Variants in DBH observed in about 807,000 individuals in gnomAD.
DBH encodes dopamine beta-hydroxylase (dopamine beta-monooxygenase).
In DBH, 49 loss-of-function variants were observed where a neutral mutation model predicts 64.0. The observed-to-expected ratio is 0.77, with a 90% CI of 0.61 to 0.97. DBH has a LOEUF of 0.97. Among genes scored for constraint, DBH ranks in the 50% least tolerant of loss-of-function variants. The pLI, the probability that DBH is intolerant of heterozygous loss-of-function variation, is 0.00. For synonymous variants in DBH, 343 were observed against 347.1 expected (o/e 0.99, Z 0.13); for missense variants, 828 against 826.6 (o/e 1.00, Z -0.02).
chr9:133,650,142 G>A (rs574641381), intron 6 of DBH, among the ~76,000 whole-genome samples: 1 of 152,292 alleles, frequency 6.6e-6, no homozygotes, highest in Admixed American at 6.5e-5. Flanking sequence ...GACCCTTTGG[G>A]CTCCCAGGCC....
intron 9 of DBH, 30 bp from the exon 10 acceptor site, chr9:133,656,493 C>T (rs754886833): frequency 1.3e-5 from 21 of 1,613,228 alleles, no homozygotes; most frequent in East Asian, 4.5e-5. Flanking sequence ...TGGCATGGCC[C>T]GGGGCTGACG....
intron 1 of DBH, among the ~76,000 whole-genome samples, chr9:133,638,419 T>C (rs1246818928): frequency 3.9e-5 from 6 of 152,200 alleles, no homozygotes; most frequent in Admixed American, 3.3e-4. Flanking sequence ...AATGTAAGAT[T>C]AAAAAGAAAC....
intron 2 of DBH, among the ~76,000 whole-genome samples, chr9:133,640,764 G>A (rs564574786): frequency 6.6e-5 from 10 of 152,352 alleles, no homozygotes; most frequent in Admixed American, 1.3e-4. Flanking sequence ...TTGCATTTCC[G>A]GAGAGAAGGG....
At chr9:133,651,883 C>A (rs1484026687) in intron 7 of DBH, 106 bp downstream of exon 7, 2 of 1,243,426 alleles carry the variant, frequency 1.6e-6, no homozygotes, top group African/African-American at 3.0e-5. Context: ...AGGCTGGCTT[C>A]TTTTTCCTGG....
intron 9 of DBH, chr9:133,655,189 C>T (rs779326349): frequency 6.6e-6 from 1 of 152,256 alleles, no homozygotes; most frequent in Non-Finnish European, 1.5e-5. Flanking sequence ...CATCACAGCA[C>T]CAGGTGGGAT....
intron 11 of DBH, 132 bp from the exon 12 acceptor site, chr9:133,658,184 C>A (rs1588356032): frequency 1.6e-6 from 2 of 1,230,996 alleles, no homozygotes; most frequent in Non-Finnish European, 2.3e-6. Flanking sequence ...CTTGGGGGAG[C>A]AGAGTGAGTT....
Position 133,642,341 on chromosome 9 carries a change from G to T in DBH, c.621G>T (p.Leu207Phe), listed in dbSNP as rs1274669668. The T allele has an allele frequency of 6.2e-7, 1 of 1,614,132 alleles. No individual in the cohort carries two copies. The highest frequency in any genetic ancestry group is 1.1e-5 in the South Asian group (1 of 91,080). Residue 207 changes from leucine to phenylalanine, a missense_variant, in exon 3 of 12, where the codon TTG becomes TTT. Transcript: ENST00000393056. ...AGCCCAATATCCCCGAACCGGAGTT[G>T]CCCTCAGACGCGTGCACCATGGAGG... is the stretch of plus-strand genomic sequence containing the variant. The part of the protein sequence containing the change: ...LLKPNIPEPE[L>F]PSDACTMEVQ...
Position 133,658,641 on chromosome 9 carries a change from G to A in DBH, c.*194G>A. The A allele has an allele frequency of 1.6e-6, 1 of 628,818 alleles. No homozygotes were observed. The highest frequency in any genetic ancestry group is 1.8e-5 in the African/African-American group (1 of 54,350). The allele number at this position is 628,818 out of a possible 1,614,324, so 39.0% of individuals were successfully genotyped here. A position where few individuals can be genotyped will look rare whatever the true frequency, so the allele number is the denominator to read the frequency against. ...GGGTCCCCTGCATGGCTGAGAGGGTGTGGGTGCCCTGTTGACCTACCCTGG... is the reference window on the plus strand; with the variant it reads ...GGGTCCCCTGCATGGCTGAGAGGGTATGGGTGCCCTGTTGACCTACCCTGG... On this transcript the variant is annotated 3_prime_UTR_variant, in exon 12 of 12. Transcript: ENST00000393056.
chr9:133,652,363 G>A, intron 8 of DBH, 79 bp downstream of exon 8: 1 of 1,529,978 alleles, frequency 6.5e-7, no homozygotes, highest in South Asian at 1.1e-5. Flanking sequence ...GCCACCAGAA[G>A]GAGAGGGACA....
At position 133,657,019 on chromosome 9, in the gene DBH, C is replaced by T. The variant is rs1317758364; in HGVS notation, c.1563-51C>T. On this transcript the variant is annotated intron_variant, in intron 10 of 11. Transcript: ENST00000393056. ...GGAGGTGTTGCTGGTGCCCACTGGG[C>T]TCCCTGCCCGTCAGCTGCTCCCCAG... is the stretch of plus-strand genomic sequence containing the variant. 9 of 1,606,986 alleles carry T rather than the reference C, an allele frequency of 5.6e-6. No homozygotes were observed. In the South Asian group the frequency reaches 6.6e-5, roughly 12 times the overall value.
chr9:133,652,347 G>A, intron 8 of DBH, 63 bp downstream of exon 8: 1 of 1,577,130 alleles, frequency 6.3e-7, no homozygotes, highest in Non-Finnish European at 8.7e-7. Flanking sequence ...TGAGAGGGCT[G>A]GGGGTGCCAC....
In DBH at chr9:133,643,842, C is replaced by G. The variant is rs146109325; in HGVS notation, c.921+253C>G. On this transcript the variant is annotated intron_variant, in intron 4 of 11. Coordinates refer to ENST00000393056, the MANE Select transcript of DBH (RefSeq NM_000787.4). This position sits in a 1 kb window ranked among gnomAD's most constrained non-coding sequence, Gnocchi z 5.3. Reference sequence around the variant, plus strand: ...CTTATGCCCTCAGTGGGTCCTGATTCTGTTTCCCAACTGGAGTCAGGGTTT... The same window carrying G: ...CTTATGCCCTCAGTGGGTCCTGATTGTGTTTCCCAACTGGAGTCAGGGTTT... 6.6e-6 allele frequency among the ~76,000 whole-genome samples: 1 copy of G among 152,214 alleles called. No individual in the cohort carries two copies.
At chr9:133,656,985 G>A (rs1416369567) in intron 10 of DBH, 85 bp from the exon 11 acceptor site, 11 of 1,474,730 alleles carry the variant, frequency 7.5e-6, no homozygotes, top group African/African-American at 6.9e-5. Context: ...GACAGGACTC[G>A]AGTTGCAGGG....
rs1217628709 is a variant in DBH, at chr9:133,657,076, C to T, written c.1569C>T (p.Asn523=). ...TGTTCCTTGTCCCCACCAGGTTCAACAACGAGGATGTCTGCACCTGCCCTC... is the reference window on the plus strand; with the variant it reads ...TGTTCCTTGTCCCCACCAGGTTCAATAACGAGGATGTCTGCACCTGCCCTC... ...QKYFHLINRF[N]NEDVCTCPQA... Residue 523 remains asparagine (N), a synonymous_variant, in exon 11 of 12, where the codon AAC becomes AAT. Coordinates refer to ENST00000393056, the MANE Select transcript of DBH (RefSeq NM_000787.4). 1 of 1,613,926 alleles carries T rather than the reference C, an allele frequency of 6.2e-7. No homozygotes were observed. The highest frequency in any genetic ancestry group is 1.1e-5 in the South Asian group (1 of 91,084).
chr9:133,642,775 C>G (rs754352716), intron 3 of DBH, among the ~76,000 whole-genome samples: 1 of 152,208 alleles, frequency 6.6e-6, no homozygotes, highest in Non-Finnish European at 1.5e-5. Context: ...GCCACCTCCC[C>G]CTTCATGAAA....
In DBH at chr9:133,658,724, C is replaced by G. The variant is rs1019089264; in HGVS notation, c.*277C>G. The G allele has an allele frequency of 1.9e-5, 6 of 310,178 alleles. No homozygotes were observed. Among genetic ancestry groups the G allele is most frequent in the Non-Finnish European group, 3.6e-5 (6 of 169,004 alleles). 19.2% of individuals were successfully genotyped at this position (310,178 alleles called of 1,614,324 possible). A position where few individuals can be genotyped will look rare whatever the true frequency, so the allele number is the denominator to read the frequency against. On this transcript the variant is annotated 3_prime_UTR_variant, in exon 12 of 12. Coordinates refer to ENST00000393056, the MANE Select transcript of DBH (RefSeq NM_000787.4). ...CCGGCTGACTCAGTGCAGGGACAGC[C>G]TGCACAGTGGTCCAGGGTCCAGCCC... is the stretch of plus-strand genomic sequence containing the variant.
intron 1 of DBH, among the ~76,000 whole-genome samples, chr9:133,639,624 C>T (rs1336390607): frequency 6.6e-6 from 1 of 152,224 alleles, no homozygotes; most frequent in Non-Finnish European, 1.5e-5. Flanking sequence ...ACCAACTCCA[C>T]TGTCGGGGCT....
Position 133,642,479 on chromosome 9 carries a change from A to G in DBH, c.744+15A>G, listed in dbSNP as rs1309977399. On this transcript the variant is annotated intron_variant, in intron 3 of 11. Coordinates refer to ENST00000393056, the MANE Select transcript of DBH (RefSeq NM_000787.4). ...ACATTATCAAGGTACGTGCGGGTCC[A>G]GGGCCGAGGTCCTCGCCCAGCCCTG... The G allele has an allele frequency of 6.3e-7, 1 of 1,596,128 alleles. No homozygotes were observed. The highest frequency in any genetic ancestry group is 1.3e-5 in the African/African-American group (1 of 74,762).
chr9:133,638,849 G>A (rs563205630), intron 1 of DBH, among the ~76,000 whole-genome samples: 5 of 152,258 alleles, frequency 3.3e-5, no homozygotes, highest in Admixed American at 2.0e-4. Flanking sequence ...AAGGCTCCTC[G>A]CTGTCTCTCA....
Sources: allele counts gnomAD v4.1 joint callset (sites outside exome capture counted in the v4.1 genomes callset), GRCh38; gene constraint gnomAD v4.1.1; non-coding constraint Gnocchi (gnomAD v3.1); transcripts MANE v1.5; gene names NCBI Gene and HGNC (gene_info 2026-07-23, HGNC 2026-07-21).